The following RILPL1 variants were observed in gnomAD, a reference collection of about 807,000 sequenced individuals.
The protein encoded by RILPL1 is RILP-like protein 1.
A neutral mutation model predicts 50.3 loss-of-function variants in RILPL1; 33 were observed. The observed-to-expected ratio is 0.66, with a 90% CI of 0.50 to 0.88. The LOEUF (loss-of-function observed/expected upper bound fraction) is 0.88. Among genes scored for constraint, RILPL1 ranks in the 40% least tolerant of loss-of-function variants. The pLI, the probability that RILPL1 is intolerant of heterozygous loss-of-function variation, is 0.00. For synonymous variants in RILPL1, 205 were observed against 228.6 expected, an observed-to-expected ratio of 0.90 and a Z score of 0.93; for missense variants, 418 against 542.5, an observed-to-expected ratio of 0.77 and a Z score of 2.28.
At chr12:123,483,771 A>G (rs1882144981) in intron 6 of RILPL1, among the ~76,000 whole-genome samples, 1 of 152,182 alleles carries the variant, frequency 6.6e-6, no homozygotes, top group Admixed American at 6.5e-5. Flanking sequence ...AGAGAACTGC[A>G]TAGATGGGGT....
intron 2 of RILPL1, among the ~76,000 whole-genome samples, chr12:123,509,688 G>T (rs1403672281): frequency 6.6e-6 from 1 of 152,182 alleles, no homozygotes; most frequent in Non-Finnish European, 1.5e-5. Context: ...ACTTCCAGGA[G>T]GAGCTCCCTA....
chr12:123,510,649 G>A (rs1593581392), intron 2 of RILPL1, among the ~76,000 whole-genome samples: 1 of 112,664 alleles, frequency 8.9e-6, no homozygotes, highest in East Asian at 3.0e-4. Context: ...TGTGTAGTGT[G>A]TGAGGTCTGT....
rs943885510 is a variant in RILPL1 at position 123,498,269 on chromosome 12, G to A, written c.801+275C>T. Among the ~76,000 whole-genome samples, 12 of 151,508 alleles carry A rather than the reference G, an allele frequency of 7.9e-5. No individual in the cohort carries two copies. The highest frequency in any genetic ancestry group is 6.2e-4 in the South Asian group (3 of 4,812). On this transcript the variant is annotated intron_variant, in intron 4 of 6. Transcript: ENST00000376874. This position sits in a 1 kb window ranked among gnomAD's most constrained non-coding sequence, Gnocchi z 4.3. ...CTGGCTCTGTTACCCAGGCTGCAGC[G>A]CAGTTGTGCAATCATGGCTCATTGC... is the stretch of plus-strand genomic sequence containing the variant.
intron 2 of RILPL1, among the ~76,000 whole-genome samples, chr12:123,520,633 C>CG (rs1884968032): frequency 6.6e-6 from 1 of 152,134 alleles, no homozygotes; most frequent in Non-Finnish European, 1.5e-5. Flanking sequence ...GATAGGGTTC[C>CG]GGGGTCCTCC....
intron 2 of RILPL1, among the ~76,000 whole-genome samples, chr12:123,513,001 T>C (rs1159363772): frequency 7.2e-6 from 1 of 138,894 alleles, no homozygotes; most frequent in Non-Finnish European, 1.5e-5. Context: ...GTGAGGTTTG[T>C]GTGTGGTGTG....
chr12:123,521,710 AAT>A lies in RILPL1; in HGVS notation c.460+1783_460+1784del, dbSNP rs1403604243. Among the ~76,000 whole-genome samples the A allele has an allele frequency of 2.3e-4, 24 of 106,620 alleles. 1 individual carries two copies. The highest frequency in any genetic ancestry group is 7.3e-4 in the African/African-American group (21 of 28,918). The allele number at this position is 106,620 out of a possible 152,430, so 69.9% of individuals were successfully genotyped here. A position where few individuals can be genotyped will look rare whatever the true frequency, so the allele number is the denominator to read the frequency against. ...ACACACATATATGTATATATATATAAATATATATATACACACATATATGTATA... is the reference window on the plus strand; with the variant it reads ...ACACACATATATGTATATATATATAAATATATATACACACATATATGTATA... On this transcript the variant is annotated intron_variant, in intron 2 of 6. Transcript: ENST00000376874.
intron 2 of RILPL1, among the ~76,000 whole-genome samples, chr12:123,521,835 C>T (rs1266096856): frequency 4.0e-5 from 6 of 150,926 alleles, no homozygotes; most frequent in African/African-American, 1.2e-4. Context: ...TGCAGTGCTG[C>T]GATCTCAGCT....
chr12:123,507,074 A>G (rs1180130196), intron 2 of RILPL1, among the ~76,000 whole-genome samples: 1 of 152,202 alleles, frequency 6.6e-6, no homozygotes, highest in East Asian at 1.9e-4. Context: ...CTGGTGAGAA[A>G]GTGGGGCAGC....
intron 4 of RILPL1, among the ~76,000 whole-genome samples, chr12:123,493,064 C>A (rs1056008473): frequency 3.9e-5 from 6 of 152,128 alleles, no homozygotes; most frequent in South Asian, 2.1e-4. Flanking sequence ...AAGAGGAAGG[C>A]ATGCCTCTTG....
intron 4 of RILPL1, among the ~76,000 whole-genome samples, chr12:123,494,124 C>T (rs140925680): frequency 6.6e-6 from 1 of 152,126 alleles, no homozygotes; most frequent in Non-Finnish European, 1.5e-5. Context: ...CTCCCCTGAT[C>T]TTATACTCCT....
chr12:123,518,686 T>C (rs979711104), intron 2 of RILPL1, among the ~76,000 whole-genome samples: 2 of 152,152 alleles, frequency 1.3e-5, no homozygotes, highest in African/African-American at 4.8e-5. Context: ...GTCTCATTGA[T>C]AATTTTTATA....
rs957649286 is a variant in RILPL1, at chr12:123,480,158, CTTTTTTTTT to C, written c.1067+4013_1067+4021del. On this transcript the variant is annotated intron_variant, in intron 6 of 6. Coordinates refer to ENST00000376874, the MANE Select transcript of RILPL1 (RefSeq NM_178314.5). ...AGTGAAGGTGCTAGAAAGGCTGATT[CTTTTTTTTT>C]TTTTTTTTTTTTAAATGGGGTATCG... 2.1e-3 allele frequency among the ~76,000 whole-genome samples: 247 copies of C among 117,006 alleles called. 3 individuals are homozygous for C. The Middle Eastern group carries it at 0.022, about 11-fold the overall frequency. 76.8% of individuals were successfully genotyped at this position (117,006 alleles called of 152,430 possible). A position where few individuals can be genotyped will look rare whatever the true frequency, so the allele number is the denominator to read the frequency against.
intron 4 of RILPL1, among the ~76,000 whole-genome samples, chr12:123,495,855 T>C (rs1261707665): frequency 6.6e-6 from 1 of 151,178 alleles, no homozygotes; most frequent in Non-Finnish European, 1.5e-5. Context: ...TAATTTTTTG[T>C]ATTTTAGTAG....
At chr12:123,517,165 G>C (rs1045843315) in intron 2 of RILPL1, among the ~76,000 whole-genome samples, 15 of 152,188 alleles carry the variant, frequency 9.9e-5, no homozygotes, top group African/African-American at 3.6e-4. Flanking sequence ...TGGCTGCAGA[G>C]GAAGAGACTG....
At position 123,491,621 on chromosome 12, in the gene RILPL1, T is replaced by C. The variant is rs534559016; in HGVS notation, c.802-5816A>G. On this transcript the variant is annotated intron_variant, in intron 4 of 6. Coordinates refer to ENST00000376874, the MANE Select transcript of RILPL1 (RefSeq NM_178314.5). This position sits in a 1 kb window ranked among gnomAD's most constrained non-coding sequence, Gnocchi z 4.0. ...CCAGGCCTAGCATAAATTCAATGCATAAATTCTGCCCGCCTTTCAGCCAGC... is the reference window on the plus strand; with the variant it reads ...CCAGGCCTAGCATAAATTCAATGCACAAATTCTGCCCGCCTTTCAGCCAGC... Among the ~76,000 whole-genome samples the C allele has an allele frequency of 3.6e-4, 55 of 152,338 alleles. No homozygotes were observed. Among genetic ancestry groups the C allele is most frequent in the Non-Finnish European group, 6.8e-4 (46 of 68,036 alleles).
intron 2 of RILPL1, chr12:123,514,356 AGTCACC>A (rs1884569340): frequency 6.6e-6 from 1 of 152,174 alleles, no homozygotes; most frequent in Non-Finnish European, 1.5e-5. Context: ...TGCCAGGTGC[AGTCACC>A]TCAGGAAGGT....
At chr12:123,512,991 G>A (rs1178650629) in intron 2 of RILPL1, among the ~76,000 whole-genome samples, 1 of 148,080 alleles carries the variant, frequency 6.8e-6, no homozygotes, top group Non-Finnish European at 1.5e-5. Context: ...TGTGTGGTAT[G>A]TGAGGTTTGT....
At position 123,489,194 on chromosome 12, in the gene RILPL1, C is replaced by A. The variant is rs1479959726; in HGVS notation, c.802-3389G>T. Among the ~76,000 whole-genome samples, 1 of 152,146 alleles carries A rather than the reference C, an allele frequency of 6.6e-6. No homozygotes were observed. Among genetic ancestry groups the A allele is most frequent in the Non-Finnish European group, 1.5e-5 (1 of 68,038 alleles). Reference sequence around the variant, plus strand: ...TGGAGCTCAGCCCTGGGAACAGAGTCAGACAGATGGGGCTGAAGAGAAGAT... The same window carrying A: ...TGGAGCTCAGCCCTGGGAACAGAGTAAGACAGATGGGGCTGAAGAGAAGAT... On this transcript the variant is annotated intron_variant, in intron 4 of 6. Transcript: ENST00000376874. This position sits in a 1 kb window ranked among gnomAD's most constrained non-coding sequence, Gnocchi z 4.0.
In RILPL1 at chr12:123,485,206, G is replaced by C; in HGVS notation, c.974+427C>G. On this transcript the variant is annotated intron_variant, in intron 5 of 6. Coordinates refer to ENST00000376874, the MANE Select transcript of RILPL1 (RefSeq NM_178314.5). The surrounding 1 kb of genome is among the most constrained non-coding windows in gnomAD (Gnocchi z 4.0). Reference sequence around the variant, plus strand: ...TAAGACTTCTGGTCTCATGTTGCTTGTGGTCTCATGTGGAAACCTACAATA... The same window carrying C: ...TAAGACTTCTGGTCTCATGTTGCTTCTGGTCTCATGTGGAAACCTACAATA... 2.2e-6 allele frequency: 1 copy of C among 457,346 alleles called. No individual in the cohort carries two copies. The highest frequency in any genetic ancestry group is 2.3e-5 in the Admixed American group (1 of 42,598). 28.3% of individuals were successfully genotyped at this position (457,346 alleles called of 1,614,324 possible).
Sources: gnomAD v4.1 joint callset for allele counts (sites outside exome capture counted in the v4.1 genomes callset) on GRCh38, gnomAD v4.1.1 for gene constraint, Gnocchi (gnomAD v3.1) non-coding constraint, MANE v1.5 for transcripts, NCBI Gene and HGNC (gene_info 2026-07-23, HGNC 2026-07-21) for gene names.